Variants in COL14A1 observed in about 807,000 individuals in gnomAD.
The protein encoded by COL14A1 is collagen alpha-1(XIV) chain.
In COL14A1, 136 loss-of-function variants were observed where a neutral mutation model predicts 230.3. That is an observed-to-expected ratio of 0.59 (90% CI 0.51 to 0.68). COL14A1 has a LOEUF of 0.68. Among genes scored for constraint, COL14A1 ranks in the 30% least tolerant of loss-of-function variants. The pLI is 0.00. For synonymous variants in COL14A1, 792 were observed against 784.1 expected, an observed-to-expected ratio of 1.01 and a Z score of -0.17; for missense variants, 1,976 against 2,215.8, an observed-to-expected ratio of 0.89 and a Z score of 2.17.
intron 45 of COL14A1, among the ~76,000 whole-genome samples, chr8:120,347,213 C>T (rs990507510): frequency 6.6e-6 from 1 of 152,086 alleles, no homozygotes; most frequent in Non-Finnish European, 1.5e-5. Flanking sequence ...ATGATTAGAC[C>T]ACAGAAAAAT....
chr8:120,259,347 G>T (rs971802726), intron 23 of COL14A1, among the ~76,000 whole-genome samples: 3 of 152,128 alleles, frequency 2.0e-5, no homozygotes, highest in African/African-American at 7.2e-5. Flanking sequence ...CTGGAGAATG[G>T]ATTTAGTGTT....
At chr8:120,227,723 A>G (rs910265167) in intron 17 of COL14A1, among the ~76,000 whole-genome samples, 29 of 152,240 alleles carry the variant, frequency 1.9e-4, no homozygotes, top group Admixed American at 1.6e-3. Context: ...TGCCAAACAA[A>G]TAAACCTAGG....
intron 4 of COL14A1, among the ~76,000 whole-genome samples, chr8:120,166,897 TGTGTGTGTGTGTGTGTGTGTGTGTG>T (rs1270973765): frequency 6.7e-6 from 1 of 149,214 alleles, no homozygotes; most frequent in Non-Finnish European, 1.5e-5. Flanking sequence ...TGTGTGTGTG[TGTGTGTGTGTGTGTGTGTGTGTGTG>T]GTGGTGATGA....
At chr8:120,339,821 G>C (rs1438972298) in intron 42 of COL14A1, among the ~76,000 whole-genome samples, 2 of 151,968 alleles carry the variant, frequency 1.3e-5, no homozygotes, top group African/African-American at 4.8e-5. Context: ...CAGATCACTT[G>C]AGGTTCAAGA....
At chr8:120,235,540 TA>T in intron 19 of COL14A1, among the ~76,000 whole-genome samples, 1 of 152,268 alleles carries the variant, frequency 6.6e-6, no homozygotes. Context: ...GTGGTCTATT[TA>T]TTTTTTTAAT....
chr8:120,218,809 C>T (rs1017616582), intron 14 of COL14A1, among the ~76,000 whole-genome samples: 10 of 152,034 alleles, frequency 6.6e-5, no homozygotes, highest in Non-Finnish European at 1.0e-4. Context: ...TATTGCTGCT[C>T]GATAGAAATC....
chr8:120,137,747 T>C (rs541049112), intron 1 of COL14A1, among the ~76,000 whole-genome samples: 1 of 149,564 alleles, frequency 6.7e-6, no homozygotes, highest in African/African-American at 2.6e-5. Context: ...TTTTCAAATA[T>C]TTTGAATTTA....
intron 1 of COL14A1, among the ~76,000 whole-genome samples, chr8:120,141,317 G>A (rs971304024): frequency 1.3e-5 from 2 of 152,060 alleles, no homozygotes; most frequent in Admixed American, 6.6e-5. Context: ...CTGAGAAGGG[G>A]GAGTTGCTTG....
At chr8:120,340,155 G>A (rs1288368124) in intron 42 of COL14A1, among the ~76,000 whole-genome samples, 3 of 151,520 alleles carry the variant, frequency 2.0e-5, no homozygotes, top group Non-Finnish European at 4.4e-5. Context: ...ACATAGCAGG[G>A]CAAGGGAGGA....
intron 1 of COL14A1, 110 bp from the exon 2 acceptor site, chr8:120,147,696 A>G (rs1356563618): frequency 5.2e-6 from 3 of 577,586 alleles, no homozygotes; most frequent in Non-Finnish European, 9.1e-6. Flanking sequence ...TAGGGAATTA[A>G]TTACTTCCTG....
At chr8:120,170,450 A>G (rs1339696904) in intron 5 of COL14A1, among the ~76,000 whole-genome samples, 2 of 152,080 alleles carry the variant, frequency 1.3e-5, no homozygotes, top group Admixed American at 6.6e-5. Context: ...TGGAGATTTT[A>G]GAAGAAGATA....
intron 12 of COL14A1, among the ~76,000 whole-genome samples, chr8:120,210,257 G>C (rs1204687295): frequency 6.6e-6 from 1 of 152,088 alleles, no homozygotes; most frequent in African/African-American, 2.4e-5. Context: ...TATGTTATTG[G>C]ATATTTAGAT....
chr8:120,171,743 G>T (rs1322260435), intron 5 of COL14A1, among the ~76,000 whole-genome samples: 1 of 152,040 alleles, frequency 6.6e-6, no homozygotes. Flanking sequence ...CTTTCACCAG[G>T]ATTAGAAAAT....
chr8:120,249,141 A>G (rs1459599084), intron 21 of COL14A1, among the ~76,000 whole-genome samples: 1 of 144,126 alleles, frequency 6.9e-6, no homozygotes, highest in Non-Finnish European at 1.5e-5. Flanking sequence ...CGTGGTCTCG[A>G]TCTCCTGACC....
intron 14 of COL14A1, among the ~76,000 whole-genome samples, chr8:120,218,100 A>G (rs1817815796): frequency 7.1e-6 from 1 of 140,304 alleles, no homozygotes; most frequent in Non-Finnish European, 1.5e-5. Flanking sequence ...ATATAAATAC[A>G]TAAATATATA....
At chr8:120,350,987 G>GT (rs1198457475) in intron 45 of COL14A1, among the ~76,000 whole-genome samples, 1 of 150,468 alleles carries the variant, frequency 6.6e-6, no homozygotes, top group Non-Finnish European at 1.5e-5. Flanking sequence ...ATAGTTGGAA[G>GT]TAAAACTCTC....
chr8:120,227,962 A>C (rs1464402269), intron 17 of COL14A1, among the ~76,000 whole-genome samples: 1 of 152,224 alleles, frequency 6.6e-6, no homozygotes, highest in Non-Finnish European at 1.5e-5. Context: ...TAAAAAACTG[A>C]GGACAGCAGG....
intron 7 of COL14A1, 132 bp downstream of exon 7, chr8:120,198,062 T>C: frequency 1.1e-6 from 1 of 879,864 alleles, no homozygotes; most frequent in Non-Finnish European, 1.7e-6. Context: ...TTGATGGCTG[T>C]TTTCCCAAAC....
chr8:120,193,273 G>T (rs931270793), intron 5 of COL14A1, among the ~76,000 whole-genome samples: 2 of 152,156 alleles, frequency 1.3e-5, no homozygotes, highest in Non-Finnish European at 2.9e-5. Flanking sequence ...CAGACAGGAC[G>T]CTCGGCTGCA....
Sources: gnomAD v4.1 joint callset for allele counts (sites outside exome capture counted in the v4.1 genomes callset) on GRCh38, gnomAD v4.1.1 for gene constraint, MANE v1.5 for transcripts, NCBI Gene and HGNC (gene_info 2026-07-23, HGNC 2026-07-21) for gene names.